The following SEMA5B variants were observed in gnomAD, a reference collection of about 807,000 sequenced individuals.
SEMA5B encodes the protein semaphorin 5B.
In SEMA5B, 66 loss-of-function variants were observed where a neutral mutation model predicts 135.0. The ratio of observed to expected loss-of-function variants is 0.49; its 90% CI spans 0.40 to 0.60. The LOEUF is 0.60. SEMA5B is among the 20% of genes least tolerant of loss of function. The pLI is 0.00. For missense variants in SEMA5B, 1,501 were observed against 1,566.3 expected, an observed-to-expected ratio of 0.96 and a Z score of 0.70; for synonymous variants, 690 against 639.5, an observed-to-expected ratio of 1.08 and a Z score of -1.19.
At chr3:122,939,910 C>T (rs1201908642) in intron 4 of SEMA5B, among the ~76,000 whole-genome samples, 1 of 152,178 alleles carries the variant, frequency 6.6e-6, no homozygotes, top group Non-Finnish European at 1.5e-5. Flanking sequence ...TCTGGCCCTC[C>T]ACCCTGACTC....
chr3:122,959,685 G>A (rs1940489221), intron 2 of SEMA5B, among the ~76,000 whole-genome samples: 1 of 152,202 alleles, frequency 6.6e-6, no homozygotes. Context: ...TGGACCAAAT[G>A]CATGCACAGA....
At chr3:123,018,367 G>A (rs1942607244) in intron 1 of SEMA5B, among the ~76,000 whole-genome samples, 1 of 152,234 alleles carries the variant, frequency 6.6e-6, no homozygotes, top group Non-Finnish European at 1.5e-5. Context: ...TGCTTCTTTT[G>A]TGGTTGACCA....
chr3:122,934,953 C>A (rs910901895), intron 5 of SEMA5B, among the ~76,000 whole-genome samples: 1 of 151,550 alleles, frequency 6.6e-6, no homozygotes, highest in Admixed American at 6.6e-5. Context: ...CTGAGATTTG[C>A]TTCAGGACAG....
intron 1 of SEMA5B, among the ~76,000 whole-genome samples, chr3:122,996,848 A>G (rs1942033244): frequency 6.6e-6 from 1 of 152,174 alleles, no homozygotes; most frequent in Non-Finnish European, 1.5e-5. Flanking sequence ...ATGTTCTTGC[A>G]CAGGCAAAGA....
intron 2 of SEMA5B, among the ~76,000 whole-genome samples, chr3:122,951,360 G>A (rs1004183182): frequency 6.6e-6 from 1 of 152,116 alleles, no homozygotes; most frequent in Non-Finnish European, 1.5e-5. Flanking sequence ...AGCAAAATGG[G>A]AATCAAGGCT....
intron 1 of SEMA5B, among the ~76,000 whole-genome samples, chr3:122,966,557 A>ATTTTTTTTTTTTTT (rs1414027791): frequency 6.5e-5 from 9 of 139,466 alleles, no homozygotes; most frequent in African/African-American, 1.9e-4. Flanking sequence ...TATTATTATT[A>ATTTTTTTTTTTTTT]TTATTATTAT....
At position 122,961,138 on chromosome 3, in the gene SEMA5B, AC is replaced by A; in HGVS notation, c.124+1del. The A allele has an allele frequency of 6.2e-7, 1 of 1,607,682 alleles. No homozygotes were observed. Among genetic ancestry groups the A allele is most frequent in the Non-Finnish European group, 8.5e-7 (1 of 1,176,262 alleles). ...CCCCCACACTCCCCTGGGCACACTTACCCCTGACCAGTGAGAGAAGCCAGCC... is the reference window on the plus strand; with the variant it reads ...CCCCCACACTCCCCTGGGCACACTTACCCTGACCAGTGAGAGAAGCCAGCC... On this transcript the variant is annotated splice_donor_variant, in intron 2 of 22. Coordinates refer to ENST00000357599, the MANE Select transcript of SEMA5B (RefSeq NM_001031702.4). LOFTEE classifies it high-confidence loss of function.
At chr3:122,911,645 A>G in intron 20 of SEMA5B, 110 bp from the exon 21 acceptor site, 1 of 1,180,862 alleles carries the variant, frequency 8.5e-7, no homozygotes, top group East Asian at 2.4e-5. Context: ...CAGACGTAGG[A>G]CTAGGTAGGC....
Position 122,911,063 on chromosome 3 carries a change from G to T in SEMA5B, c.3092-18C>A. On this transcript the variant is annotated intron_variant, in intron 21 of 22. Transcript: ENST00000357599. ...ATTGAACCCTAGGGGAAGAGAGGCA[G>T]GTAGTAAGATGAGGGCCACTGTGAA... 1.3e-6 allele frequency: 2 copies of T among 1,596,832 alleles called. No individual in the cohort carries two copies. Among genetic ancestry groups the T allele is most frequent in the Non-Finnish European group, 1.7e-6 (2 of 1,167,658 alleles).
intron 1 of SEMA5B, among the ~76,000 whole-genome samples, chr3:122,966,715 C>T (rs1367649215): frequency 2.7e-5 from 4 of 150,584 alleles, no homozygotes; most frequent in South Asian, 2.1e-4. Flanking sequence ...CCACCGCGCC[C>T]AGCTAATTTT....
At chr3:123,015,375 A>C (rs550462049) in intron 1 of SEMA5B, among the ~76,000 whole-genome samples, 2 of 152,364 alleles carry the variant, frequency 1.3e-5, no homozygotes, top group South Asian at 4.1e-4. Flanking sequence ...TGCTAAAGAC[A>C]GCCAGATCAG....
chr3:122,937,081 G>C (rs139063786), intron 5 of SEMA5B, among the ~76,000 whole-genome samples: 1 of 152,356 alleles, frequency 6.6e-6, no homozygotes, highest in East Asian at 1.9e-4. Context: ...GAATCAGTTG[G>C]CTCCATAATG....
intron 1 of SEMA5B, chr3:122,975,933 C>T (rs988268700): frequency 2.6e-5 from 40 of 1,519,048 alleles, no homozygotes; most frequent in Non-Finnish European, 3.5e-5. Context: ...TCTGGCCATT[C>T]CCCCTCCATC....
chr3:122,974,961 TAG>T (rs970933981), intron 1 of SEMA5B: 1 of 152,256 alleles, frequency 6.6e-6, no homozygotes, highest in African/African-American at 2.4e-5. Context: ...GGAACTGGAA[TAG>T]AGTTATCTTC....
intron 1 of SEMA5B, among the ~76,000 whole-genome samples, chr3:122,966,863 CTAT>C (rs755147289): frequency 0.072 from 5,583 of 77,640 alleles, 424 homozygotes; most frequent in Admixed American, 0.29. Flanking sequence ...CGGCCTATTA[CTAT>C]TATTATTATT....
chr3:122,938,981 A>G (rs1166180383), intron 5 of SEMA5B, among the ~76,000 whole-genome samples: 1 of 152,216 alleles, frequency 6.6e-6, no homozygotes, highest in Non-Finnish European at 1.5e-5. Flanking sequence ...TAGGAAAGGA[A>G]CTAGGAACAC....
intron 2 of SEMA5B, among the ~76,000 whole-genome samples, chr3:122,956,676 T>C (rs1940324655): frequency 6.6e-6 from 1 of 151,772 alleles, no homozygotes. Context: ...CCCTCCCCCG[T>C]TTTCAGACAG....
chr3:122,955,519 C>A (rs990520513), intron 2 of SEMA5B, among the ~76,000 whole-genome samples: 3 of 152,158 alleles, frequency 2.0e-5, no homozygotes, highest in Non-Finnish European at 4.4e-5. Context: ...CAAATACTCC[C>A]AAGACAAACA....
chr3:123,025,145 C>T (rs1182935549), intron 1 of SEMA5B, among the ~76,000 whole-genome samples: 1 of 152,218 alleles, frequency 6.6e-6, no homozygotes, highest in African/African-American at 2.4e-5. Flanking sequence ...CTCGGCTTCT[C>T]TGGTTTTCTA....
Sources: allele counts gnomAD v4.1 joint callset (sites outside exome capture counted in the v4.1 genomes callset), GRCh38; gene constraint gnomAD v4.1.1; transcripts MANE v1.5; gene names NCBI Gene and HGNC (gene_info 2026-07-23, HGNC 2026-07-21).